INPP4B: variants seen among roughly 807,000 people sequenced by gnomAD.
The protein encoded by INPP4B is inositol polyphosphate 4-phosphatase type II.
In INPP4B, 55 loss-of-function variants were observed where a neutral mutation model predicts 122.5. The ratio of observed to expected loss-of-function variants is 0.45; its 90% CI spans 0.36 to 0.56. The LOEUF (loss-of-function observed/expected upper bound fraction) is 0.56, where lower values mean the gene tolerates loss of function less well. INPP4B is among the 20% of genes least tolerant of loss of function. The pLI, the probability that INPP4B is intolerant of heterozygous loss-of-function variation, is 0.00. For missense variants in INPP4B, 1,000 were observed against 1,097.7 expected (o/e 0.91, Z 1.26); for synonymous variants, 403 against 388.7 (o/e 1.04, Z -0.43).
chr4:142,742,232 T>G (rs36042265), intron 1 of INPP4B, among the ~76,000 whole-genome samples: 4,064 of 152,020 alleles, frequency 0.027, 61 homozygotes, highest in South Asian at 0.05. Context: ...AAGCATGACT[T>G]ATAAAAGGAT....
intron 2 of INPP4B, among the ~76,000 whole-genome samples, chr4:142,614,436 A>G (rs1743261383): frequency 6.6e-6 from 1 of 152,092 alleles, no homozygotes; most frequent in South Asian, 2.1e-4. Flanking sequence ...AAACTATAAA[A>G]CTCCTGGAAG....
chr4:142,836,586 T>C (rs554006038), intron 1 of INPP4B, among the ~76,000 whole-genome samples: 1 of 151,588 alleles, frequency 6.6e-6, no homozygotes, highest in Non-Finnish European at 1.5e-5. Context: ...TCACATCATA[T>C]AACAACAACA....
At position 142,760,957 on chromosome 4, in the gene INPP4B, T is replaced by C. The variant is rs186675714; in HGVS notation, c.-253-35056A>G. Among the ~76,000 whole-genome samples, 6 of 152,250 alleles carry C rather than the reference T, an allele frequency of 3.9e-5. No individual in the cohort carries two copies. The East Asian group carries it at 1.2e-3, about 29-fold the overall frequency. Reference sequence around the variant, plus strand: ...GTTAGGTATTCCCCAAAATGAACACTAGACCTAGCAACCTGGTCTCACCCA... The same window carrying C: ...GTTAGGTATTCCCCAAAATGAACACCAGACCTAGCAACCTGGTCTCACCCA... On this transcript the variant is annotated intron_variant, in intron 1 of 25. Transcript: ENST00000262992.
chr4:142,328,202 T>A (rs1351339157), intron 7 of INPP4B, among the ~76,000 whole-genome samples: 1 of 152,048 alleles, frequency 6.6e-6, no homozygotes, highest in Non-Finnish European at 1.5e-5. Flanking sequence ...AATAAGGAAA[T>A]GTACAGCGTT....
At chr4:142,036,260 A>C (rs551394612) in intron 25 of INPP4B, among the ~76,000 whole-genome samples, 2 of 152,074 alleles carry the variant, frequency 1.3e-5, no homozygotes, top group African/African-American at 4.8e-5. Flanking sequence ...TCTGCAGAAA[A>C]TCTTAATAAC....
intron 2 of INPP4B, among the ~76,000 whole-genome samples, chr4:142,656,482 C>T (rs1409531585): frequency 6.6e-6 from 1 of 152,124 alleles, no homozygotes; most frequent in East Asian, 1.9e-4. Flanking sequence ...GGATCCTGGG[C>T]CTTTTCATGG....
At chr4:142,723,981 T>G (rs1270804188) in intron 2 of INPP4B, among the ~76,000 whole-genome samples, 1 of 152,124 alleles carries the variant, frequency 6.6e-6, no homozygotes, top group African/African-American at 2.4e-5. Flanking sequence ...ATATCTCACT[T>G]CCAACCTCCA....
intron 24 of INPP4B, among the ~76,000 whole-genome samples, chr4:142,083,353 A>C (rs1194673352): frequency 3.3e-5 from 5 of 152,124 alleles, no homozygotes; most frequent in Non-Finnish European, 7.3e-5. Flanking sequence ...TTCTGATTTA[A>C]GTCAGAGAAA....
chr4:142,475,945 C>A (rs146087798), intron 2 of INPP4B, among the ~76,000 whole-genome samples: 2 of 152,296 alleles, frequency 1.3e-5, no homozygotes, highest in East Asian at 3.9e-4. Flanking sequence ...CACAAAATTT[C>A]CTCAACCTTA....
At chr4:142,501,937 C>T (rs1353991815) in intron 2 of INPP4B, among the ~76,000 whole-genome samples, 3 of 152,104 alleles carry the variant, frequency 2.0e-5, no homozygotes, top group Admixed American at 6.6e-5. Flanking sequence ...CACCTCCACC[C>T]GTGAGCATGG....
intron 1 of INPP4B, among the ~76,000 whole-genome samples, chr4:142,782,659 T>C (rs1219709481): frequency 6.6e-6 from 1 of 152,048 alleles, no homozygotes; most frequent in African/African-American, 2.4e-5. Flanking sequence ...TTCCTGACTT[T>C]TTAATGATTG....
chr4:142,047,486 G>C (rs866833369), intron 25 of INPP4B, among the ~76,000 whole-genome samples: 1 of 152,006 alleles, frequency 6.6e-6, no homozygotes, highest in Non-Finnish European at 1.5e-5. Flanking sequence ...GGCACCCTTA[G>C]AGATCACCTG....
chr4:142,548,743 ATGTGTC>A (rs781676082), intron 2 of INPP4B, among the ~76,000 whole-genome samples: 12 of 129,688 alleles, frequency 9.3e-5, no homozygotes, highest in African/African-American at 3.1e-4. Flanking sequence ...GTGCATACAG[ATGTGTC>A]TGTGTGTGTG....
chr4:142,237,124 A>C (rs1473428784), intron 12 of INPP4B, among the ~76,000 whole-genome samples: 2 of 152,160 alleles, frequency 1.3e-5, no homozygotes, highest in Non-Finnish European at 2.9e-5. Context: ...TTTGTTGTAC[A>C]ATACTGTCCA....
At chr4:142,394,138 G>GT (rs747330670) in intron 7 of INPP4B, among the ~76,000 whole-genome samples, 4 of 151,488 alleles carry the variant, frequency 2.6e-5, no homozygotes, top group South Asian at 2.1e-4. Context: ...GTTTTGTGTG[G>GT]TTTTTTTTGT....
At chr4:142,188,216 A>T (rs1338757504) in intron 15 of INPP4B, among the ~76,000 whole-genome samples, 2 of 151,846 alleles carry the variant, frequency 1.3e-5, no homozygotes, top group African/African-American at 4.8e-5. Context: ...GGTCGGGCAC[A>T]TTGGCTCATG....
intron 5 of INPP4B, among the ~76,000 whole-genome samples, chr4:142,423,411 A>G (rs1807349896): frequency 6.6e-6 from 1 of 152,012 alleles, no homozygotes; most frequent in African/African-American, 2.4e-5. Context: ...ACATGATTTT[A>G]TCTTTTTTTT....
At chr4:142,552,212 T>C (rs968137671) in intron 2 of INPP4B, among the ~76,000 whole-genome samples, 14 of 152,328 alleles carry the variant, frequency 9.2e-5, no homozygotes, top group African/African-American at 3.1e-4. Flanking sequence ...TCAAAAGCAA[T>C]GCTTTTTAAA....
intron 9 of INPP4B, among the ~76,000 whole-genome samples, chr4:142,284,572 T>C (rs1458337353): frequency 1.3e-5 from 2 of 152,262 alleles, no homozygotes; most frequent in Non-Finnish European, 2.9e-5. Context: ...TGTCAGATTC[T>C]TCTTCTCAGT....
Sources: gnomAD v4.1 joint callset for allele counts (sites outside exome capture counted in the v4.1 genomes callset) on GRCh38, gnomAD v4.1.1 for gene constraint, MANE v1.5 for transcripts, NCBI Gene and HGNC (gene_info 2026-07-23, HGNC 2026-07-21) for gene names.